Variants in ITPR2 observed in about 807,000 individuals in gnomAD.
ITPR2 encodes inositol 1,4,5-trisphosphate receptor type 2.
A neutral mutation model predicts 317.1 loss-of-function variants in ITPR2; 207 were observed. That is an observed-to-expected ratio of 0.65 (90% CI 0.58 to 0.73). The LOEUF is 0.73. Among genes scored for constraint, ITPR2 ranks in the 30% least tolerant of loss-of-function variants. The pLI, the probability that ITPR2 is intolerant of heterozygous loss-of-function variation, is 0.00. For synonymous variants in ITPR2, 1,156 were observed against 1,149.1 expected, an observed-to-expected ratio of 1.01 and a Z score of -0.12; for missense variants, 2,613 against 3,284.0, an observed-to-expected ratio of 0.80 and a Z score of 4.99.
intron 51 of ITPR2, among the ~76,000 whole-genome samples, chr12:26,413,487 A>G (rs989220899): frequency 4.6e-5 from 7 of 152,222 alleles, no homozygotes; most frequent in African/African-American, 1.7e-4. Flanking sequence ...CAATACATGA[A>G]AGAATAAACT....
intron 55 of ITPR2, among the ~76,000 whole-genome samples, chr12:26,369,407 T>A (rs750924666): frequency 5.9e-5 from 9 of 152,204 alleles, no homozygotes; most frequent in Admixed American, 2.0e-4. Context: ...TGAATTAGAA[T>A]GATGGAAGTT....
chr12:26,635,772 A>G (rs1946851470), intron 21 of ITPR2, among the ~76,000 whole-genome samples: 2 of 152,220 alleles, frequency 1.3e-5, no homozygotes, highest in African/African-American at 4.8e-5. Context: ...GCTGGAAAAT[A>G]TCTTTACTTT....
At chr12:26,791,221 C>G (rs753695041) in intron 1 of ITPR2, among the ~76,000 whole-genome samples, 6 of 152,156 alleles carry the variant, frequency 3.9e-5, no homozygotes, top group Non-Finnish European at 8.8e-5. Flanking sequence ...AGAAAGATCT[C>G]TTAATACCAG....
chr12:26,712,622 G>A (rs1458276068), intron 8 of ITPR2, among the ~76,000 whole-genome samples: 3 of 143,538 alleles, frequency 2.1e-5, no homozygotes, highest in African/African-American at 8.4e-5. Context: ...AAAATCTAAT[G>A]TTTGTCTCAA....
intron 21 of ITPR2, among the ~76,000 whole-genome samples, chr12:26,647,064 T>C (rs947627540): frequency 6.6e-6 from 1 of 152,192 alleles, no homozygotes; most frequent in Admixed American, 6.5e-5. Context: ...GAAAAGAAAT[T>C]GTAGTGGTGT....
chr12:26,662,622 G>A (rs1384987785), intron 15 of ITPR2, among the ~76,000 whole-genome samples: 4 of 152,172 alleles, frequency 2.6e-5, no homozygotes, highest in Admixed American at 2.0e-4. Context: ...TTATACAATT[G>A]TATGTTAGAC....
intron 37 of ITPR2, among the ~76,000 whole-genome samples, chr12:26,527,605 T>G (rs543902776): frequency 2.4e-4 from 36 of 152,334 alleles, no homozygotes; most frequent in African/African-American, 8.2e-4. Context: ...AAGAATGGAT[T>G]TGGCACCAGT....
At chr12:26,806,102 A>G (rs1400145181) in intron 1 of ITPR2, among the ~76,000 whole-genome samples, 2 of 152,214 alleles carry the variant, frequency 1.3e-5, no homozygotes, top group Admixed American at 6.5e-5. Context: ...AAAGCTATCA[A>G]TCTCCCAACT....
chr12:26,498,840 T>C (rs554008318), intron 37 of ITPR2, among the ~76,000 whole-genome samples: 64 of 152,320 alleles, frequency 4.2e-4, no homozygotes, highest in Non-Finnish European at 7.3e-4. Flanking sequence ...GTATTATTAT[T>C]TCTATTATTA....
At chr12:26,359,464 C>G (rs943810073) in intron 55 of ITPR2, among the ~76,000 whole-genome samples, 1 of 152,152 alleles carries the variant, frequency 6.6e-6, no homozygotes, top group Non-Finnish European at 1.5e-5. Flanking sequence ...AGCCTCACCT[C>G]TCATTATGCA....
At chr12:26,362,841 T>A (rs986838542) in intron 55 of ITPR2, among the ~76,000 whole-genome samples, 2 of 152,180 alleles carry the variant, frequency 1.3e-5, no homozygotes, top group African/African-American at 2.4e-5. Context: ...AAAGAAAGCA[T>A]AACTGGGGAA....
At chr12:26,398,106 CAGAG>C (rs376868619) in intron 54 of ITPR2, among the ~76,000 whole-genome samples, 3 of 119,182 alleles carry the variant, frequency 2.5e-5, no homozygotes, top group African/African-American at 6.3e-5. Flanking sequence ...GTAAGAGAGA[CAGAG>C]AGAGAGAGAG....
chr12:26,629,491 G>A (rs562722700), intron 22 of ITPR2, among the ~76,000 whole-genome samples: 5 of 152,030 alleles, frequency 3.3e-5, no homozygotes, highest in Non-Finnish European at 7.4e-5. Context: ...GGATGCTGAG[G>A]TGGGAGAACA....
chr12:26,495,196 T>C lies in ITPR2; in HGVS notation c.5138A>G (p.Asn1713Ser). Reference protein sequence around the residue: ...YFKGDYSIGVNGHLSGAYSKT... With the variant: ...YFKGDYSIGVSGHLSGAYSKT... ...GGAGTAGGCTCCTGATAGGTGTCCA[T>C]TCACACCAATACTATAATCACCTTT... The change falls in exon 38 of 57, where the codon AAT becomes AGT. Residue 1713 changes from asparagine to serine, a missense_variant. Asn to Ser is a conservative substitution (Grantham distance 46). Coordinates refer to ENST00000381340, the MANE Select transcript of ITPR2 (RefSeq NM_002223.4). The C allele has an allele frequency of 6.2e-7, 1 of 1,610,184 alleles. No individual in the cohort carries two copies. Among genetic ancestry groups the C allele is most frequent in the Non-Finnish European group, 8.5e-7 (1 of 1,176,426 alleles).
Position 26,831,675 on chromosome 12 carries a change from T to C in ITPR2, c.92+1015A>G, listed in dbSNP as rs886687700. Among the ~76,000 whole-genome samples, 91 of 140,544 alleles carry C rather than the reference T, an allele frequency of 6.5e-4. 4 individuals carry two copies. The highest frequency in any genetic ancestry group is 1.9e-3 in the Admixed American group (26 of 13,930). 92.2% of individuals were successfully genotyped at this position (140,544 alleles called of 152,430 possible). A position where few individuals can be genotyped will look rare whatever the true frequency, so the allele number is the denominator to read the frequency against. On this transcript the variant is annotated intron_variant, in intron 1 of 56. Transcript: ENST00000381340. The surrounding 1 kb of genome is among the most constrained non-coding windows in gnomAD (Gnocchi z 4.9). Reference sequence around the variant, plus strand: ...TAACCATTTGGCACACTGTTTTATATATAAATATATATATATATTCTACAT... The same window carrying C: ...TAACCATTTGGCACACTGTTTTATACATAAATATATATATATATTCTACAT...
At chr12:26,548,216 T>C (rs896328249) in intron 37 of ITPR2, among the ~76,000 whole-genome samples, 2 of 152,216 alleles carry the variant, frequency 1.3e-5, no homozygotes, top group African/African-American at 4.8e-5. Context: ...TCCACAAAGA[T>C]AGCCGGTGGC....
At chr12:26,681,826 C>T in intron 13 of ITPR2, 48 bp downstream of exon 13, 1 of 1,371,114 alleles carries the variant, frequency 7.3e-7, no homozygotes, top group Non-Finnish European at 1.0e-6. Context: ...CTTACTATAA[C>T]AATTGACAAC....
At chr12:26,474,054 C>T (rs1942354839) in intron 45 of ITPR2, among the ~76,000 whole-genome samples, 1 of 152,170 alleles carries the variant, frequency 6.6e-6, no homozygotes, top group South Asian at 2.1e-4. Context: ...TAGAATCTGA[C>T]TCCTTCCTGG....
chr12:26,543,166 G>A (rs1944306924), intron 37 of ITPR2, among the ~76,000 whole-genome samples: 2 of 152,094 alleles, frequency 1.3e-5, no homozygotes, highest in Non-Finnish European at 2.9e-5. Context: ...TCCTCTGAGT[G>A]CAGTCCTTAT....
Sources: allele counts gnomAD v4.1 joint callset (sites outside exome capture counted in the v4.1 genomes callset), GRCh38; gene constraint gnomAD v4.1.1; non-coding constraint Gnocchi (gnomAD v3.1); transcripts MANE v1.5; gene names NCBI Gene and HGNC (gene_info 2026-07-23, HGNC 2026-07-21).